Variants in FILIP1L observed in about 807,000 individuals in gnomAD.
FILIP1L encodes filamin A-interacting protein 1-like.
In FILIP1L, 55 loss-of-function variants were observed where a neutral mutation model predicts 96.6. The ratio of observed to expected loss-of-function variants is 0.57; its 90% CI spans 0.46 to 0.71. The LOEUF (loss-of-function observed/expected upper bound fraction) is 0.71, where lower values mean the gene tolerates loss of function less well. Ranked by LOEUF, FILIP1L falls within the 30% of genes least tolerant of loss-of-function variation. The pLI is 0.00. For synonymous variants in FILIP1L, 467 were observed against 473.9 expected (o/e 0.99, Z 0.19); for missense variants, 1,304 against 1,321.2 (o/e 0.99, Z 0.20).
intron 1 of FILIP1L, among the ~76,000 whole-genome samples, chr3:99,948,627 AAGG>A (rs1310436327): frequency 2.2e-4 from 32 of 144,208 alleles, no homozygotes; most frequent in East Asian, 1.1e-3. Context: ...GAGAGAGAGG[AAGG>A]AGGAGGAGGA....
chr3:99,828,916 T>C lies in FILIP1L; in HGVS notation c.*1498A>G, dbSNP rs139847327. On this transcript the variant is annotated 3_prime_UTR_variant, in exon 6 of 6. Transcript: ENST00000477258. ...GCCCATCATCCCTCTCAATGCTGCC[T>C]ATCATCCCTCTCAATGCTGCCCATC... is the stretch of plus-strand genomic sequence containing the variant. Among the ~76,000 whole-genome samples, 1,731 of 151,284 alleles carry C rather than the reference T, an allele frequency of 0.011. 20 individuals are homozygous for C. The highest frequency in any genetic ancestry group is 0.026 in the African/African-American group (1,047 of 41,014).
chr3:99,935,542 T>C (rs751502947), intron 1 of FILIP1L, among the ~76,000 whole-genome samples: 5 of 152,166 alleles, frequency 3.3e-5, no homozygotes, highest in Admixed American at 6.5e-5. Flanking sequence ...ATGAGAATAC[T>C]GGGATAGGTT....
intron 4 of FILIP1L, among the ~76,000 whole-genome samples, chr3:99,891,123 A>G (rs1281482617): frequency 6.6e-6 from 1 of 151,410 alleles, no homozygotes; most frequent in East Asian, 1.9e-4. Context: ...CTAGCTTGTT[A>G]GTATACCTTC....
chr3:99,938,078 C>T (rs368943914), intron 1 of FILIP1L, among the ~76,000 whole-genome samples: 1,664 of 138,376 alleles, frequency 0.012, 19 homozygotes, highest in African/African-American at 0.022. Flanking sequence ...TGTGTGTGCG[C>T]GCGCGCGCGC....
intron 5 of FILIP1L, among the ~76,000 whole-genome samples, chr3:99,840,204 AAATT>A (rs1943070014): frequency 6.6e-6 from 1 of 151,414 alleles, no homozygotes; most frequent in African/African-American, 2.4e-5. Context: ...GGGGTAAAAG[AAATT>A]AATTCGTAGA....
rs557122014 is a variant in FILIP1L, at chr3:99,852,304, G to T, written c.606-1234C>A. Among the ~76,000 whole-genome samples the T allele has an allele frequency of 2.6e-5, 4 of 152,300 alleles. No individual in the cohort carries two copies. In the South Asian group the frequency reaches 8.3e-4, roughly 32 times the overall value. ...ATGAAGTTATGACTACTTACATTCT[G>T]ATAGGTATAGAGAATTCATAAAACT... On this transcript the variant is annotated intron_variant, in intron 4 of 5. Transcript: ENST00000477258.
chr3:99,947,035 G>A (rs1490169007), intron 1 of FILIP1L, among the ~76,000 whole-genome samples: 1 of 150,966 alleles, frequency 6.6e-6, no homozygotes, highest in Non-Finnish European at 1.5e-5. Context: ...TACTCGGGAG[G>A]CTGAGGCAGG....
intron 4 of FILIP1L, among the ~76,000 whole-genome samples, chr3:99,851,325 A>C (rs1943688634): frequency 6.6e-6 from 1 of 152,228 alleles, no homozygotes; most frequent in Non-Finnish European, 1.5e-5. Flanking sequence ...AAGGGCAAGA[A>C]TATTTAGTTT....
At chr3:100,092,267 C>A (rs1465192784) in intron 1 of FILIP1L, among the ~76,000 whole-genome samples, 1 of 152,134 alleles carries the variant, frequency 6.6e-6, no homozygotes. Context: ...AAATAGTTGA[C>A]ATGCTGGCTA....
intron 1 of FILIP1L, among the ~76,000 whole-genome samples, chr3:99,981,246 A>G (rs1043359554): frequency 1.3e-5 from 2 of 152,158 alleles, no homozygotes; most frequent in African/African-American, 4.8e-5. Context: ...CACTACCCCA[A>G]TGCTAAACTT....
At chr3:100,098,828 A>G (rs2066256881) in intron 1 of FILIP1L, among the ~76,000 whole-genome samples, 1 of 152,214 alleles carries the variant, frequency 6.6e-6, no homozygotes, top group African/African-American at 2.4e-5. Flanking sequence ...AGGGATCTCA[A>G]ATGGCTTCCT....
intron 1 of FILIP1L, among the ~76,000 whole-genome samples, chr3:99,942,972 C>T (rs1408841470): frequency 2.0e-5 from 3 of 152,086 alleles, no homozygotes; most frequent in African/African-American, 7.2e-5. Flanking sequence ...AACTATGTCC[C>T]AGGAGCCAAG....
chr3:99,922,170 G>A (rs1707146028), intron 4 of FILIP1L, among the ~76,000 whole-genome samples: 1 of 152,214 alleles, frequency 6.6e-6, no homozygotes, highest in Non-Finnish European at 1.5e-5. Flanking sequence ...ATCAGTAAAT[G>A]TTCATAATAA....
chr3:99,960,029 C>G (rs771589022), intron 1 of FILIP1L, among the ~76,000 whole-genome samples: 9 of 152,148 alleles, frequency 5.9e-5, no homozygotes, highest in Non-Finnish European at 1.3e-4. Flanking sequence ...TGCCTCCCTC[C>G]TTCATTTATA....
rs10529210 is a variant in FILIP1L, at chr3:99,916,437, T to TACACACAC, written c.605+7785_605+7792dup. On this transcript the variant is annotated intron_variant, in intron 4 of 5. Coordinates refer to ENST00000477258, the MANE Select transcript of FILIP1L (RefSeq NM_001387850.1). ...GCCAACACTTTATAATAACGGTTTA[T>TACACACAC]ACACACACACACACACACACACACA... Among the ~76,000 whole-genome samples the TACACACAC allele has an allele frequency of 3.2e-3, 439 of 137,172 alleles. 1 individual carries two copies. Among genetic ancestry groups the TACACACAC allele is most frequent in the South Asian group, 7.1e-3 (28 of 3,958 alleles). 90.0% of individuals were successfully genotyped at this position (137,172 alleles called of 152,430 possible).
At chr3:100,057,355 A>T (rs1479250704) in intron 1 of FILIP1L, among the ~76,000 whole-genome samples, 2 of 152,222 alleles carry the variant, frequency 1.3e-5, no homozygotes, top group Non-Finnish European at 2.9e-5. Context: ...GGCCTTAGGC[A>T]TGTCAGTTTC....
At chr3:99,869,715 G>A (rs1257145540) in intron 4 of FILIP1L, among the ~76,000 whole-genome samples, 2 of 152,124 alleles carry the variant, frequency 1.3e-5, no homozygotes, top group Admixed American at 6.5e-5. Flanking sequence ...CAAATGTGAT[G>A]TTTTACATTC....
intron 4 of FILIP1L, among the ~76,000 whole-genome samples, chr3:99,908,999 C>A (rs1020797669): frequency 1.3e-5 from 2 of 152,076 alleles, no homozygotes; most frequent in Admixed American, 1.3e-4. Context: ...GTTAACAACT[C>A]TATACTTAAA....
intron 1 of FILIP1L, among the ~76,000 whole-genome samples, chr3:100,013,296 T>C (rs958363204): frequency 2.0e-5 from 3 of 151,824 alleles, no homozygotes; most frequent in African/African-American, 7.3e-5. Flanking sequence ...CAGGCTGGAG[T>C]GCAGTGGTGC....
Sources: allele counts gnomAD v4.1 joint callset (sites outside exome capture counted in the v4.1 genomes callset), GRCh38; gene constraint gnomAD v4.1.1; transcripts MANE v1.5; gene names NCBI Gene and HGNC (gene_info 2026-07-23, HGNC 2026-07-21).